The following LRPAP1 variants were observed in gnomAD, a reference collection of about 807,000 sequenced individuals.
The protein encoded by LRPAP1 is alpha-2-macroglobulin receptor-associated protein.
Under a neutral mutation model 39.9 loss-of-function variants are expected in LRPAP1, and 41 were observed. That is an observed-to-expected ratio of 1.03 (90% CI 0.80 to 1.33). LRPAP1 has a LOEUF of 1.33. LRPAP1 is among the 40% of genes most tolerant of loss of function. The pLI, the probability that LRPAP1 is intolerant of heterozygous loss-of-function variation, is 0.00. For missense variants in LRPAP1, 565 were observed against 482.3 expected, an observed-to-expected ratio of 1.17 and a Z score of -1.61; for synonymous variants, 263 against 212.7, an observed-to-expected ratio of 1.24 and a Z score of -2.06.
At chr4:3,529,695 G>A (rs544762333) in intron 1 of LRPAP1, among the ~76,000 whole-genome samples, 1 of 152,280 alleles carries the variant, frequency 6.6e-6, no homozygotes, top group Admixed American at 6.5e-5. Context: ...CCCCCTGGCC[G>A]GGTCTCGCCT....
rs1403301621 is a variant in LRPAP1, at chr4:3,506,300, A to G, written c.*6674T>C. 2 of 151,502 alleles carry G rather than the reference A, an allele frequency of 1.3e-5. No homozygotes were observed. The highest frequency in any genetic ancestry group is 2.4e-5 in the African/African-American group (1 of 41,208). 9.4% of individuals were successfully genotyped at this position (151,502 alleles called of 1,614,324 possible). A position where few individuals can be genotyped will look rare whatever the true frequency, so the allele number is the denominator to read the frequency against. Reference sequence around the variant, plus strand: ...AGGCTGGTCTCAAACTCCTGGCCTCAAGTGATCTGCCCGCCTCAGCCTCCC... The same window carrying G: ...AGGCTGGTCTCAAACTCCTGGCCTCGAGTGATCTGCCCGCCTCAGCCTCCC... On this transcript the variant is annotated 3_prime_UTR_variant, in exon 8 of 8. Transcript: ENST00000650182.
At chr4:3,529,593 T>G (rs1456578869) in intron 1 of LRPAP1, among the ~76,000 whole-genome samples, 1 of 151,744 alleles carries the variant, frequency 6.6e-6, no homozygotes, top group African/African-American at 2.4e-5. Context: ...TGCTCAGGAG[T>G]CTTGCAACAC....
intron 2 of LRPAP1, among the ~76,000 whole-genome samples, chr4:3,521,351 G>A (rs1577208052): frequency 1.3e-5 from 2 of 152,242 alleles, no homozygotes; most frequent in East Asian, 3.9e-4. Flanking sequence ...CACCCAGATG[G>A]TGACTCCCGG....
At chr4:3,518,213 C>T (rs534512508) in intron 4 of LRPAP1, 21 bp from the exon 5 acceptor site, 68 of 1,601,004 alleles carry the variant, frequency 4.2e-5, no homozygotes, top group South Asian at 2.5e-4. Flanking sequence ...GAAGGCAGGA[C>T]GCCATGAGGC....
At chr4:3,530,188 G>A (rs574848337) in intron 1 of LRPAP1, among the ~76,000 whole-genome samples, 5 of 152,202 alleles carry the variant, frequency 3.3e-5, no homozygotes, top group East Asian at 1.9e-4. Context: ...TGGCACGCTC[G>A]GCAGAAAGAG....
In LRPAP1 at chr4:3,518,333, C is replaced by T. The variant is rs561137741; in HGVS notation, c.593-141G>A. ...AAAATGTCCCCCTTCCGCGGTCCTG[C>T]AGCGCCGCAGAAACGACCGTTGGCA... On this transcript the variant is annotated intron_variant, in intron 4 of 7. Transcript: ENST00000650182. 5 of 908,460 alleles carry T rather than the reference C, an allele frequency of 5.5e-6. No individual in the cohort carries two copies. The East Asian group carries it at 1.4e-4, about 26-fold the overall frequency. The allele number at this position is 908,460 out of a possible 1,614,324, so 56.3% of individuals were successfully genotyped here.
rs997876227 is a variant in LRPAP1, at chr4:3,512,120, G to A, written c.*854C>T. On this transcript the variant is annotated 3_prime_UTR_variant, in exon 8 of 8. Coordinates refer to ENST00000650182, the MANE Select transcript of LRPAP1 (RefSeq NM_002337.4). Reference sequence around the variant, plus strand: ...GGGAACCACGCCTGGAGCCAGACCCGAGCCTCTTCCAGGCTCAGACACAGG... The same window carrying A: ...GGGAACCACGCCTGGAGCCAGACCCAAGCCTCTTCCAGGCTCAGACACAGG... 2 of 152,110 alleles carry A rather than the reference G, an allele frequency of 1.3e-5. No homozygotes were observed. Among genetic ancestry groups the A allele is most frequent in the African/African-American group, 4.8e-5 (2 of 41,330 alleles). 9.4% of individuals were successfully genotyped at this position (152,110 alleles called of 1,614,324 possible). A position where few individuals can be genotyped will look rare whatever the true frequency, so the allele number is the denominator to read the frequency against.
rs546441314 is a variant in LRPAP1, at chr4:3,518,023, C to T, written c.751+11G>A. On this transcript the variant is annotated intron_variant, in intron 5 of 7. Transcript: ENST00000650182. ...ACCCTCGGGAACCAACAGTCCCGGG[C>T]GGGCACTCACCAGCCTCAGTGCTGT... is the stretch of plus-strand genomic sequence containing the variant. 18 of 1,595,118 alleles carry T rather than the reference C, an allele frequency of 1.1e-5. No homozygotes were observed. Among genetic ancestry groups the T allele is most frequent in the East Asian group, 4.5e-5 (2 of 44,564 alleles).
chr4:3,525,697 C>T (rs1302438644), intron 1 of LRPAP1, among the ~76,000 whole-genome samples: 1 of 152,228 alleles, frequency 6.6e-6, no homozygotes, highest in Non-Finnish European at 1.5e-5. Flanking sequence ...GCCCCACCCT[C>T]ATCCCTCTCC....
Position 3,514,935 on chromosome 4 carries a change from C to G in LRPAP1, c.835-7G>C. ...CGAAGTGCTTGAGCTCCTCCTGGAA[C>G]AAGGTTTCCATAGGTGAGTGTTCCC... is the stretch of plus-strand genomic sequence containing the variant. On this transcript the variant is annotated splice_region_variant and splice_polypyrimidine_tract_variant and intron_variant, in intron 6 of 7. Coordinates refer to ENST00000650182, the MANE Select transcript of LRPAP1 (RefSeq NM_002337.4). 1 of 1,613,250 alleles carries G rather than the reference C, an allele frequency of 6.2e-7. No homozygotes were observed. The highest frequency in any genetic ancestry group is 2.2e-5 in the East Asian group (1 of 44,858).
At position 3,531,757 on chromosome 4, in the gene LRPAP1, A is replaced by C. The variant is rs118046788; in HGVS notation, c.204+452T>G. 3.9e-4 allele frequency among the ~76,000 whole-genome samples: 59 copies of C among 152,382 alleles called. 3 individuals carry two copies. The East Asian group carries it at 0.011, about 29-fold the overall frequency. ...ACCTCCTCATTTCTCGCTCAAATGA[A>C]CAAGCACGGGCTTGCTACTGGGATT... On this transcript the variant is annotated intron_variant, in intron 1 of 7. Coordinates refer to ENST00000650182, the MANE Select transcript of LRPAP1 (RefSeq NM_002337.4).
rs1426657525 is a variant in LRPAP1 at position 3,508,887 on chromosome 4, C to G, written c.*4087G>C. ...AAGATTAGCGAGCGCCGGCTCACCT[C>G]ACCAGTGCAGTGAGAAGCCGAGGCA... On this transcript the variant is annotated 3_prime_UTR_variant, in exon 8 of 8. Transcript: ENST00000650182. 1 of 151,946 alleles carries G rather than the reference C, an allele frequency of 6.6e-6. No individual in the cohort carries two copies. The highest frequency in any genetic ancestry group is 1.5e-5 in the Non-Finnish European group (1 of 67,986). 9.4% of individuals were successfully genotyped at this position (151,946 alleles called of 1,614,324 possible). A position where few individuals can be genotyped will look rare whatever the true frequency, so the allele number is the denominator to read the frequency against.
intron 1 of LRPAP1, among the ~76,000 whole-genome samples, chr4:3,527,527 T>C (rs968054180): frequency 1.3e-5 from 2 of 152,226 alleles, no homozygotes; most frequent in African/African-American, 4.8e-5. Flanking sequence ...GCTGCTACCC[T>C]GTAGGCGCCT....
rs567725068 is a variant in LRPAP1, at chr4:3,506,112, G to C, written c.*6862C>G. ...GAGTCTTGCTCTGTTATCCATGCTG[G>C]AGAGCAATGGCACGATTTTGGCTCA... On this transcript the variant is annotated 3_prime_UTR_variant, in exon 8 of 8. Transcript: ENST00000650182. Among the ~76,000 whole-genome samples the C allele has an allele frequency of 1.4e-4, 22 of 152,166 alleles. No individual in the cohort carries two copies. Among genetic ancestry groups the C allele is most frequent in the African/African-American group, 5.3e-4 (22 of 41,498 alleles).
chr4:3,510,044 T>G lies in LRPAP1; in HGVS notation c.*2930A>C, dbSNP rs955975758. ...AACATATATGGAAACACCAAGGACATAAACAGCCACAAGAATCTTTAAAAA... is the reference window on the plus strand; with the variant it reads ...AACATATATGGAAACACCAAGGACAGAAACAGCCACAAGAATCTTTAAAAA... On this transcript the variant is annotated 3_prime_UTR_variant, in exon 8 of 8. Coordinates refer to ENST00000650182, the MANE Select transcript of LRPAP1 (RefSeq NM_002337.4). 6.6e-6 allele frequency: 1 copy of G among 152,146 alleles called. No homozygotes were observed. Among genetic ancestry groups the G allele is most frequent in the Non-Finnish European group, 1.5e-5 (1 of 68,016 alleles). 9.4% of individuals were successfully genotyped at this position (152,146 alleles called of 1,614,324 possible).
chr4:3,527,294 A>G (rs1005657717), intron 1 of LRPAP1, among the ~76,000 whole-genome samples: 10 of 152,078 alleles, frequency 6.6e-5, no homozygotes, highest in African/African-American at 2.2e-4. Flanking sequence ...TGTGCCCTGG[A>G]CACTTGCCTG....
intron 2 of LRPAP1, among the ~76,000 whole-genome samples, chr4:3,520,930 CATGAT>C (rs1340333053): frequency 6.6e-6 from 1 of 152,242 alleles, no homozygotes; most frequent in Non-Finnish European, 1.5e-5. Flanking sequence ...CTGCCACCAA[CATGAT>C]ATGAAAGCAG....
Position 3,507,585 on chromosome 4 carries a change from A to G in LRPAP1, c.*5389T>C, listed in dbSNP as rs1203147416. 4.6e-5 allele frequency: 7 copies of G among 151,704 alleles called. No homozygotes were observed. The highest frequency in any genetic ancestry group is 1.9e-4 in the East Asian group (1 of 5,194). 9.4% of individuals were successfully genotyped at this position (151,704 alleles called of 1,614,324 possible). On this transcript the variant is annotated 3_prime_UTR_variant, in exon 8 of 8. Coordinates refer to ENST00000650182, the MANE Select transcript of LRPAP1 (RefSeq NM_002337.4). Reference sequence around the variant, plus strand: ...CTTAAGAATGTTTTCTCTAATGGGCATAAGTAGACCAAGTTTTTAACTGTA... The same window carrying G: ...CTTAAGAATGTTTTCTCTAATGGGCGTAAGTAGACCAAGTTTTTAACTGTA...
At chr4:3,523,032 C>T (rs1200347788) in intron 2 of LRPAP1, among the ~76,000 whole-genome samples, 1 of 152,174 alleles carries the variant, frequency 6.6e-6, no homozygotes, top group African/African-American at 2.4e-5. Flanking sequence ...GCAGGGTCTG[C>T]TTCTGGGACG....
Sources: allele counts gnomAD v4.1 joint callset (sites outside exome capture counted in the v4.1 genomes callset), GRCh38; gene constraint gnomAD v4.1.1; transcripts MANE v1.5; gene names NCBI Gene and HGNC (gene_info 2026-07-23, HGNC 2026-07-21).